PIGL: variants seen among roughly 807,000 people sequenced by gnomAD.
PIGL encodes N-acetylglucosaminyl-phosphatidylinositol de-N-acetylase.
Under a neutral mutation model 31.1 loss-of-function variants are expected in PIGL, and 22 were observed. That is an observed-to-expected ratio of 0.71 (90% CI 0.51 to 1.01). The LOEUF (loss-of-function observed/expected upper bound fraction) is 1.01, where lower values mean the gene tolerates loss of function less well. Ranked by LOEUF, PIGL falls within the 50% of genes least tolerant of loss-of-function variation. PIGL has a pLI of 0.00. For missense variants in PIGL, 302 were observed against 315.9 expected, an observed-to-expected ratio of 0.96 and a Z score of 0.33; for synonymous variants, 131 against 117.4, an observed-to-expected ratio of 1.12 and a Z score of -0.75.
At chr17:16,309,233 G>A (rs7218342) in intron 3 of PIGL, among the ~76,000 whole-genome samples, 6,717 of 152,096 alleles carry the variant, frequency 0.044, 202 homozygotes, top group African/African-American at 0.088. Context: ...TCAAGGCTAC[G>A]GTGAGCTATG....
At chr17:16,312,639 C>G (rs1157296343) in intron 3 of PIGL, 7 of 178,276 alleles carry the variant, frequency 3.9e-5, no homozygotes, top group Middle Eastern at 2.6e-3. Flanking sequence ...ACATTGAGCA[C>G]TGAGTGAACG....
chr17:16,309,873 T>A (rs1354524959), intron 3 of PIGL, among the ~76,000 whole-genome samples: 2 of 150,168 alleles, frequency 1.3e-5, no homozygotes, highest in African/African-American at 2.4e-5. Flanking sequence ...TAGTCAGGAG[T>A]TTGAGACCAG....
chr17:16,263,800 T>C (rs113770159), intron 2 of PIGL, among the ~76,000 whole-genome samples: 7,030 of 148,830 alleles, frequency 0.047, 590 homozygotes, highest in African/African-American at 0.17. Flanking sequence ...GGATTACAGG[T>C]GTGAGCCACC....
rs542820661 is a variant in PIGL at position 16,310,639 on chromosome 17, C to T, written c.427-2908C>T. Among the ~76,000 whole-genome samples the T allele has an allele frequency of 3.9e-5, 6 of 152,140 alleles. No homozygotes were observed. The South Asian group carries it at 1.0e-3, about 26-fold the overall frequency. On this transcript the variant is annotated intron_variant, in intron 3 of 6. Transcript: ENST00000225609. Reference sequence around the variant, plus strand: ...GCAATCTCCGCCTCCTGGGTTCAGGCGATTCTCCTGCCTCAACCTCCCAAG... The same window carrying T: ...GCAATCTCCGCCTCCTGGGTTCAGGTGATTCTCCTGCCTCAACCTCCCAAG...
Position 16,268,312 on chromosome 17 carries a change from T to C in PIGL, c.336-31576T>C, listed in dbSNP as rs1240171917. 5.9e-5 allele frequency among the ~76,000 whole-genome samples: 9 copies of C among 152,258 alleles called. No individual in the cohort carries two copies. The East Asian group carries it at 1.7e-3, about 29-fold the overall frequency. ...GTAGTACAAACATAGTGCAAGACAG[T>C]GGTGTAAAGTGAGATATTTGCTTCT... On this transcript the variant is annotated intron_variant, in intron 2 of 6. Coordinates refer to ENST00000225609, the MANE Select transcript of PIGL (RefSeq NM_004278.4).
chr17:16,295,691 C>T lies in PIGL; in HGVS notation c.336-4197C>T, dbSNP rs374867880. Among the ~76,000 whole-genome samples the T allele has an allele frequency of 2.0e-5, 3 of 152,098 alleles. No homozygotes were observed. In the South Asian group the frequency reaches 6.2e-4, roughly 31 times the overall value. On this transcript the variant is annotated intron_variant, in intron 2 of 6. Coordinates refer to ENST00000225609, the MANE Select transcript of PIGL (RefSeq NM_004278.4). ...AGGTGTGGTGGCTCACGCCTGTACT[C>T]CCAGCACTTTGGGAGGCCAAGGTGG... is the stretch of plus-strand genomic sequence containing the variant.
chr17:16,310,014 G>A, intron 3 of PIGL, among the ~76,000 whole-genome samples: 1 of 141,860 alleles, frequency 7.0e-6, no homozygotes, highest in Non-Finnish European at 1.5e-5. Flanking sequence ...GGAGACAGAG[G>A]TTGCAGTGAG....
chr17:16,293,241 T>C (rs1244023395), intron 2 of PIGL, among the ~76,000 whole-genome samples: 1 of 152,226 alleles, frequency 6.6e-6, no homozygotes, highest in African/African-American at 2.4e-5. Context: ...TTGCAATCTT[T>C]CGGCCTGGCG....
At chr17:16,301,326 G>A (rs964932787) in intron 3 of PIGL, among the ~76,000 whole-genome samples, 5 of 151,510 alleles carry the variant, frequency 3.3e-5, no homozygotes, top group African/African-American at 9.7e-5. Flanking sequence ...GTGCAGTGGC[G>A]GGATCTCGGC....
intron 6 of PIGL, among the ~76,000 whole-genome samples, chr17:16,323,213 T>C (rs1366601291): frequency 1.3e-5 from 2 of 152,084 alleles, no homozygotes; most frequent in Admixed American, 1.3e-4. Context: ...GAGAATGGCA[T>C]GGCTGTGTGT....
At chr17:16,266,906 TGGGG>T (rs5819561) in intron 2 of PIGL, among the ~76,000 whole-genome samples, 1 of 123,054 alleles carries the variant, frequency 8.1e-6, no homozygotes, top group Non-Finnish European at 1.8e-5. Context: ...TCTTTTTTTT[TGGGG>T]GGGGGGGGGT....
At chr17:16,251,585 A>G (rs898970827) in intron 2 of PIGL, among the ~76,000 whole-genome samples, 1 of 151,722 alleles carries the variant, frequency 6.6e-6, no homozygotes, top group African/African-American at 2.4e-5. Flanking sequence ...GAGGGGGGAA[A>G]AAATCTAGTT....
intron 2 of PIGL, among the ~76,000 whole-genome samples, chr17:16,235,451 T>TC (rs2092695662): frequency 7.0e-6 from 1 of 142,254 alleles, no homozygotes; most frequent in Non-Finnish European, 1.5e-5. Context: ...TTTTTTTTTT[T>TC]TTTTTTTTTT....
chr17:16,319,176 G>A (rs1441213881), intron 6 of PIGL, among the ~76,000 whole-genome samples: 1 of 116,098 alleles, frequency 8.6e-6, no homozygotes, highest in African/African-American at 3.3e-5. Flanking sequence ...AATGAACCCT[G>A]ATCATACCAC....
At chr17:16,293,396 C>T (rs1380264437) in intron 2 of PIGL, among the ~76,000 whole-genome samples, 1 of 152,136 alleles carries the variant, frequency 6.6e-6, no homozygotes, top group East Asian at 1.9e-4. Context: ...GGTGTGGTGG[C>T]GGGCGCCTGT....
At chr17:16,299,374 G>A (rs1247460907) in intron 2 of PIGL, among the ~76,000 whole-genome samples, 2 of 150,422 alleles carry the variant, frequency 1.3e-5, no homozygotes, top group Middle Eastern at 3.5e-3. Context: ...AACCCCGGAG[G>A]CAAAGGTTGT....
In PIGL at chr17:16,242,668, T is replaced by G. The variant is rs1183582522; in HGVS notation, c.335+8598T>G. Among the ~76,000 whole-genome samples the G allele has an allele frequency of 2.0e-5, 3 of 146,428 alleles. No homozygotes were observed. In the Admixed American group the frequency reaches 2.1e-4, roughly 10 times the overall value. On this transcript the variant is annotated intron_variant, in intron 2 of 6. Transcript: ENST00000225609. ...CCTTTTTTTTTTTTTTTTTTTTTTTTTTTGAGACAGAGTCTCGCTTGTAAC... is the reference window on the plus strand; with the variant it reads ...CCTTTTTTTTTTTTTTTTTTTTTTTGTTTGAGACAGAGTCTCGCTTGTAAC...
chr17:16,286,397 C>T (rs907723480), intron 2 of PIGL, among the ~76,000 whole-genome samples: 5 of 152,188 alleles, frequency 3.3e-5, no homozygotes, highest in African/African-American at 7.2e-5. Flanking sequence ...CTTCCCTCAC[C>T]AGCACCTGGT....
intron 2 of PIGL, among the ~76,000 whole-genome samples, chr17:16,254,613 T>G (rs1335426254): frequency 2.1e-5 from 3 of 146,236 alleles, no homozygotes; most frequent in Non-Finnish European, 4.5e-5. Flanking sequence ...TTTTTTGTTT[T>G]GTTTTTTTTG....
Sources: allele counts gnomAD v4.1 joint callset (sites outside exome capture counted in the v4.1 genomes callset), GRCh38; gene constraint gnomAD v4.1.1; transcripts MANE v1.5; gene names NCBI Gene and HGNC (gene_info 2026-07-23, HGNC 2026-07-21).